Variants in PHKG1 observed in about 807,000 individuals in gnomAD.
PHKG1 encodes the protein phosphorylase b kinase gamma catalytic chain, skeletal muscle/heart isoform.
Under a neutral mutation model 50.5 loss-of-function variants are expected in PHKG1, and 48 were observed. The ratio of observed to expected loss-of-function variants is 0.95; its 90% confidence interval spans 0.75 to 1.21. The LOEUF (loss-of-function observed/expected upper bound fraction) is 1.21, where lower values mean the gene tolerates loss of function less well. Among genes scored for constraint, PHKG1 ranks in the 50% most tolerant of loss-of-function variants. The pLI, the probability that PHKG1 is intolerant of heterozygous loss-of-function variation, is 0.00. For synonymous variants in PHKG1, 204 were observed against 212.8 expected (o/e 0.96, Z 0.36); for missense variants, 487 against 519.5 (o/e 0.94, Z 0.61).
intron 4 of PHKG1, chr7:56,083,999 C>G: frequency 1.6e-6 from 1 of 615,630 alleles, no homozygotes; most frequent in Non-Finnish European, 2.9e-6. Flanking sequence ...AATTTTTCCC[C>G]TGGAAAAATT....
In PHKG1 at chr7:56,081,382, G is replaced by T; in HGVS notation, c.919-83C>A. 1 of 1,490,470 alleles carries T rather than the reference G, an allele frequency of 6.7e-7. No homozygotes were observed. The highest frequency in any genetic ancestry group is 1.3e-5 in the South Asian group (1 of 79,306). 92.3% of individuals were successfully genotyped at this position (1,490,470 alleles called of 1,614,324 possible). A position where few individuals can be genotyped will look rare whatever the true frequency, so the allele number is the denominator to read the frequency against. On this transcript the variant is annotated intron_variant, in intron 9 of 9. Transcript: ENST00000297373. The surrounding 1 kb of genome is among the most constrained non-coding windows in gnomAD (Gnocchi z 4.6). ...TCCAGCACAGGGACGCTCTGGGCTCGTTTGCCACGAAGCCTTGGGTGGCTT... is the reference window on the plus strand; with the variant it reads ...TCCAGCACAGGGACGCTCTGGGCTCTTTTGCCACGAAGCCTTGGGTGGCTT...
At position 56,083,663 on chromosome 7, in the gene PHKG1, CACTCAAGGTG is replaced by C. The variant is rs751165741; in HGVS notation, c.360_369del (p.Thr121ArgfsTer14). On this transcript the variant is annotated frameshift_variant, in exon 5 of 10. Transcript: ENST00000297373. LOFTEE classifies it high-confidence loss of function. The stretch of plus-strand genomic sequence containing the variant: ...AGGGACCCTCACCTGGTTTCCTTCT[CACTCAAGGTG>C]ACCTTCTCAGTGAGGTAGTCAAAGA... 1 of 1,583,738 alleles carries C rather than the reference CACTCAAGGTG, an allele frequency of 6.3e-7. No homozygotes were observed. Among genetic ancestry groups the C allele is most frequent in the Admixed American group, 1.8e-5 (1 of 56,358 alleles).
chr7:56,081,583 G>A lies in PHKG1; in HGVS notation c.918+47C>T, dbSNP rs1212250691. On this transcript the variant is annotated intron_variant, in intron 9 of 9. Transcript: ENST00000297373. The surrounding 1 kb of genome is among the most constrained non-coding windows in gnomAD (Gnocchi z 4.6). ...CTCCTGGGAGAGGAGGGGGCTTAGAGGTTTGCACTTAGGGAGCTGGCGGGC... is the reference window on the plus strand; with the variant it reads ...CTCCTGGGAGAGGAGGGGGCTTAGAAGTTTGCACTTAGGGAGCTGGCGGGC... 4 of 1,605,594 alleles carry A rather than the reference G, an allele frequency of 2.5e-6. No homozygotes were observed. The highest frequency in any genetic ancestry group is 3.4e-6 in the Non-Finnish European group (4 of 1,174,856).
chr7:56,082,697 G>C (rs1192446369), intron 6 of PHKG1, among the ~76,000 whole-genome samples: 1 of 152,214 alleles, frequency 6.6e-6, no homozygotes, highest in Non-Finnish European at 1.5e-5. Flanking sequence ...GCCCAGGGCA[G>C]GGCGGGATAC....
At chr7:56,088,735 C>G in intron 2 of PHKG1, 124 bp downstream of exon 2, 2 of 643,908 alleles carry the variant, frequency 3.1e-6, no homozygotes, top group South Asian at 3.9e-5. Flanking sequence ...AAGGGTTTCT[C>G]CAAGTGAACA....
At chr7:56,089,399 CAA>C (rs1282644208) in intron 1 of PHKG1, among the ~76,000 whole-genome samples, 1 of 137,930 alleles carries the variant, frequency 7.3e-6, no homozygotes. Context: ...GACTCCGGCT[CAA>C]AAAAAAAAAA....
intron 1 of PHKG1, 85 bp downstream of exon 1, chr7:56,092,751 G>A (rs997205203): frequency 3.3e-5 from 5 of 152,180 alleles, no homozygotes; most frequent in African/African-American, 9.7e-5. Context: ...GAATGGATGT[G>A]GGGGTTTCTA....
intron 4 of PHKG1, among the ~76,000 whole-genome samples, chr7:56,085,522 A>ATGG (rs1470441820): frequency 6.6e-6 from 1 of 152,208 alleles, no homozygotes; most frequent in Non-Finnish European, 1.5e-5. Context: ...GATGGTGATG[A>ATGG]TGGTGGTGAT....
chr7:56,082,533 C>T (rs1232248530), intron 6 of PHKG1, among the ~76,000 whole-genome samples: 1 of 151,896 alleles, frequency 6.6e-6, no homozygotes, highest in Non-Finnish European at 1.5e-5. Flanking sequence ...GTGGAGTTTG[C>T]AGTGAGCTGA....
At chr7:56,090,390 A>C (rs1796451614) in intron 1 of PHKG1, among the ~76,000 whole-genome samples, 1 of 152,186 alleles carries the variant, frequency 6.6e-6, no homozygotes, top group South Asian at 2.1e-4. Flanking sequence ...TGCTGGGATT[A>C]CAGGCATGAG....
At chr7:56,084,109 G>A in intron 4 of PHKG1, 4 of 1,121,184 alleles carry the variant, frequency 3.6e-6, no homozygotes, top group South Asian at 2.7e-5. Context: ...AGTGACCAGG[G>A]AAGCAATGGG....
At chr7:56,087,156 C>T (rs1426752539) in intron 3 of PHKG1, 132 bp from the exon 4 acceptor site, 4 of 700,108 alleles carry the variant, frequency 5.7e-6, no homozygotes, top group Non-Finnish European at 7.9e-6. Flanking sequence ...GGAGGGTGCT[C>T]AAAGACGTCA....
chr7:56,084,119 G>GC (rs1338031929), intron 4 of PHKG1: 3 of 1,242,428 alleles, frequency 2.4e-6, no homozygotes, highest in Non-Finnish European at 3.4e-6. Context: ...GAAGCAATGG[G>GC]CCCCGAGCTG....
chr7:56,086,773 C>T lies in PHKG1; in HGVS notation c.317+197G>A, dbSNP rs577350391. ...GAAAACCAAGATTTAAAGAAATGATCCAGCCCACAAGTGGTGAACCCAGGT... is the reference window on the plus strand; with the variant it reads ...GAAAACCAAGATTTAAAGAAATGATTCAGCCCACAAGTGGTGAACCCAGGT... On this transcript the variant is annotated intron_variant, in intron 4 of 9. Transcript: ENST00000297373. The T allele has an allele frequency of 6.0e-4, 348 of 581,658 alleles. 2 individuals are homozygous for T. In the Middle Eastern group the frequency reaches 8.1e-3, roughly 14 times the overall value. The allele number at this position is 581,658 out of a possible 1,614,324, so 36.0% of individuals were successfully genotyped here. A position where few individuals can be genotyped will look rare whatever the true frequency, so the allele number is the denominator to read the frequency against.
At chr7:56,086,036 C>T (rs1796235820) in intron 4 of PHKG1, among the ~76,000 whole-genome samples, 1 of 151,158 alleles carries the variant, frequency 6.6e-6, no homozygotes, top group African/African-American at 2.4e-5. Context: ...CTCCAAACTC[C>T]TTACTATGGC....
Position 56,081,606 on chromosome 7 carries a change from G to A in PHKG1, c.918+24C>T. On this transcript the variant is annotated intron_variant, in intron 9 of 9. Transcript: ENST00000297373. The surrounding 1 kb of genome is among the most constrained non-coding windows in gnomAD (Gnocchi z 4.6). Reference sequence around the variant, plus strand: ...GAGGTTTGCACTTAGGGAGCTGGCGGGCCTGGATCAGGACGCTTAGTACCT... The same window carrying A: ...GAGGTTTGCACTTAGGGAGCTGGCGAGCCTGGATCAGGACGCTTAGTACCT... The A allele has an allele frequency of 6.2e-7, 1 of 1,611,424 alleles. No homozygotes were observed. Among genetic ancestry groups the A allele is most frequent in the Non-Finnish European group, 8.5e-7 (1 of 1,178,718 alleles).
In PHKG1 at chr7:56,087,724, ACTC is replaced by A; in HGVS notation, c.133_135del (p.Glu45del). 1.2e-6 allele frequency: 2 copies of A among 1,613,570 alleles called. No individual in the cohort carries two copies. Among genetic ancestry groups the A allele is most frequent in the Non-Finnish European group, 1.7e-6 (2 of 1,179,996 alleles). On this transcript the variant is annotated inframe_deletion, in exon 3 of 10. Coordinates refer to ENST00000297373, the MANE Select transcript of PHKG1 (RefSeq NM_006213.5). ...GTGACGTCGATGACCTTCACGGCGT[ACTC>A]CTGGCTCGTGGGCTTGTGGATGCAT...
Position 56,083,263 on chromosome 7 carries a change from G to T in PHKG1, c.547+15C>A. On this transcript the variant is annotated intron_variant, in intron 6 of 9. Transcript: ENST00000297373. ...ACCCGAGGCCTGGACGTGGGCCAAG[G>T]CCATGTTACCAGACCTCGCAGCCTC... The T allele has an allele frequency of 6.2e-7, 1 of 1,613,256 alleles. No individual in the cohort carries two copies. The highest frequency in any genetic ancestry group is 8.5e-7 in the Non-Finnish European group (1 of 1,179,666).
At chr7:56,082,116 C>G (rs765623978) in intron 7 of PHKG1, 47 bp downstream of exon 7, 1 of 1,611,936 alleles carries the variant, frequency 6.2e-7, no homozygotes, top group South Asian at 1.1e-5. Flanking sequence ...CCTACTTCCT[C>G]CCTTGCCCAG....
Sources: allele counts gnomAD v4.1 joint callset (sites outside exome capture counted in the v4.1 genomes callset), GRCh38; gene constraint gnomAD v4.1.1; non-coding constraint Gnocchi (gnomAD v3.1); transcripts MANE v1.5; gene names NCBI Gene and HGNC (gene_info 2026-07-23, HGNC 2026-07-21).